Variants in CA10 observed in about 807,000 individuals in gnomAD.
CA10 encodes carbonic anhydrase-related protein 10.
CA10 carries 14 observed loss-of-function variants against 44.2 expected under a neutral mutation model. That is an observed-to-expected ratio of 0.32 (90% CI 0.21 to 0.50). CA10 has a LOEUF of 0.50. CA10 is among the 20% of genes least tolerant of loss of function. CA10 has a pLI of 0.99. For synonymous variants in CA10, 159 were observed against 141.6 expected, an observed-to-expected ratio of 1.12 and a Z score of -0.87; for missense variants, 350 against 409.7, an observed-to-expected ratio of 0.85 and a Z score of 1.26.
chr17:51,743,873 G>A (rs751300597), intron 4 of CA10, among the ~76,000 whole-genome samples: 6 of 152,152 alleles, frequency 3.9e-5, no homozygotes, highest in African/African-American at 4.8e-5. Flanking sequence ...AACCAGATTC[G>A]CGCAATCTAC....
intron 1 of CA10, among the ~76,000 whole-genome samples, chr17:52,090,947 A>C (rs1342949877): frequency 1.3e-5 from 2 of 152,146 alleles, no homozygotes; most frequent in Non-Finnish European, 2.9e-5. Context: ...ATAGCTGCTG[A>C]CTACACACTC....
At chr17:51,911,499 G>A (rs897994505) in intron 3 of CA10, among the ~76,000 whole-genome samples, 6 of 152,138 alleles carry the variant, frequency 3.9e-5, no homozygotes, top group African/African-American at 1.4e-4. Context: ...GGATGCTTCT[G>A]TATTGCAATA....
intron 3 of CA10, among the ~76,000 whole-genome samples, chr17:51,774,877 G>A (rs1905756313): frequency 6.6e-6 from 1 of 152,118 alleles, no homozygotes; most frequent in Admixed American, 6.5e-5. Context: ...ACATGCAGAG[G>A]TTTTTAATAC....
intron 2 of CA10, among the ~76,000 whole-genome samples, chr17:51,987,302 C>T (rs1488039622): frequency 1.3e-5 from 2 of 152,018 alleles, no homozygotes; most frequent in Non-Finnish European, 2.9e-5. Flanking sequence ...CATATATTCT[C>T]ACTCATCAGT....
rs1982668060 is a variant in CA10, at chr17:51,931,715, A to G, written c.137-583T>C. On this transcript the variant is annotated intron_variant, in intron 2 of 8. Coordinates refer to ENST00000451037, the MANE Select transcript of CA10 (RefSeq NM_020178.5). The stretch of plus-strand genomic sequence containing the variant: ...AGTTCAACACTGTGTCATTAACCTA[A>G]TGTACTTGTAGATAAAGAATTGGTG... 1.3e-5 allele frequency among the ~76,000 whole-genome samples: 2 copies of G among 152,118 alleles called. 1 individual carries two copies. The highest frequency in any genetic ancestry group is 4.1e-4 in the South Asian group (2 of 4,834).
chr17:51,887,324 A>C (rs1980652597), intron 3 of CA10, among the ~76,000 whole-genome samples: 1 of 152,184 alleles, frequency 6.6e-6, no homozygotes, highest in African/African-American at 2.4e-5. Flanking sequence ...AAGCAGGCCC[A>C]CAAGGCTGAA....
chr17:51,673,700 C>T (rs775527142), intron 4 of CA10, among the ~76,000 whole-genome samples: 7 of 152,216 alleles, frequency 4.6e-5, no homozygotes, highest in Admixed American at 1.3e-4. Context: ...TTATGTCTCT[C>T]GAAGCCAGTC....
chr17:51,639,211 A>T (rs1487901698), intron 6 of CA10, among the ~76,000 whole-genome samples: 1 of 152,206 alleles, frequency 6.6e-6, no homozygotes, highest in African/African-American at 2.4e-5. Flanking sequence ...CATTTTTGTT[A>T]AAGGTCAATG....
chr17:52,084,296 G>T (rs1435745893), intron 1 of CA10, among the ~76,000 whole-genome samples: 2 of 152,120 alleles, frequency 1.3e-5, no homozygotes, highest in East Asian at 1.9e-4. Flanking sequence ...GAAAAGGCCA[G>T]GGCAGATTTA....
intron 3 of CA10, among the ~76,000 whole-genome samples, chr17:51,829,452 A>T (rs189736341): frequency 2.5e-4 from 38 of 152,314 alleles, no homozygotes; most frequent in Admixed American, 1.1e-3. Flanking sequence ...TTGCAAAGAC[A>T]GTGCCATGCA....
chr17:51,631,483 G>A lies in CA10; in HGVS notation c.*101C>T, dbSNP rs1597949734. 4.5e-6 allele frequency: 5 copies of A among 1,109,186 alleles called. No homozygotes were observed. Among genetic ancestry groups the A allele is most frequent in the East Asian group, 2.4e-5 (1 of 42,550 alleles). 68.7% of individuals were successfully genotyped at this position (1,109,186 alleles called of 1,614,324 possible). On this transcript the variant is annotated 3_prime_UTR_variant, in exon 9 of 9. Transcript: ENST00000451037. ...CAATCCCAAGAATGAATGAGGCTTG[G>A]GGGAAAGAAGGAGAGAGAAGCAAGA...
In CA10 at chr17:52,158,053, C is replaced by A; in HGVS notation, c.-267G>T. The stretch of plus-strand genomic sequence containing the variant: ...TGCCTCGCTGCCTTGGAGGTCTCCC[C>A]GCTCGCGTGTCTCTTCTCTTCGCAC... On this transcript the variant is annotated 5_prime_UTR_variant, in exon 1 of 9. Transcript: ENST00000451037. 1.8e-6 allele frequency: 1 copy of A among 542,008 alleles called. No individual in the cohort carries two copies. Among genetic ancestry groups the A allele is most frequent in the Non-Finnish European group, 3.3e-6 (1 of 302,704 alleles). The allele number at this position is 542,008 out of a possible 1,614,324, so 33.6% of individuals were successfully genotyped here. A position where few individuals can be genotyped will look rare whatever the true frequency, so the allele number is the denominator to read the frequency against.
intron 3 of CA10, among the ~76,000 whole-genome samples, chr17:51,820,197 C>A (rs1053104796): frequency 1.5e-5 from 2 of 134,192 alleles, no homozygotes; most frequent in African/African-American, 5.8e-5. Flanking sequence ...CCCCCCCCCC[C>A]CAGGTAATAC....
intron 1 of CA10, among the ~76,000 whole-genome samples, chr17:52,123,395 T>TGTGA (rs1555568613): frequency 6.6e-6 from 1 of 151,324 alleles, no homozygotes. Flanking sequence ...TGTGTGTGTG[T>TGTGA]GACGTTTTCA....
intron 2 of CA10, among the ~76,000 whole-genome samples, chr17:51,954,067 T>C (rs1165611903): frequency 2.0e-5 from 3 of 152,182 alleles, no homozygotes; most frequent in Non-Finnish European, 4.4e-5. Flanking sequence ...AACATTATTC[T>C]CATTTGACAG....
chr17:51,669,141 C>T (rs1231754564), intron 4 of CA10, among the ~76,000 whole-genome samples: 2 of 152,228 alleles, frequency 1.3e-5, no homozygotes, highest in Non-Finnish European at 2.9e-5. Context: ...AGGCGCGGGA[C>T]CAGATGGCAG....
intron 2 of CA10, among the ~76,000 whole-genome samples, chr17:51,942,578 A>G (rs1983126197): frequency 6.6e-6 from 1 of 150,454 alleles, no homozygotes; most frequent in African/African-American, 2.4e-5. Context: ...AAATCTTACC[A>G]TGATCAAATC....
Position 52,097,196 on chromosome 17 carries a change from A to T in CA10, c.62-24803T>A, listed in dbSNP as rs527975796. ...TCTTGGAACAAATTAGATCTCTCTA[A>T]AGTGGTTATAACAATTTAAAACACA... On this transcript the variant is annotated intron_variant, in intron 1 of 8. Coordinates refer to ENST00000451037, the MANE Select transcript of CA10 (RefSeq NM_020178.5). Among the ~76,000 whole-genome samples the T allele has an allele frequency of 8.9e-4, 135 of 152,186 alleles. 1 individual carries two copies. The highest frequency in any genetic ancestry group is 3.1e-3 in the African/African-American group (130 of 41,504).
chr17:51,978,007 T>G (rs1366806840), intron 2 of CA10, among the ~76,000 whole-genome samples: 1 of 152,126 alleles, frequency 6.6e-6, no homozygotes, highest in Non-Finnish European at 1.5e-5. Flanking sequence ...AAAATATTGC[T>G]GAGAGAAATT....
Sources: allele counts gnomAD v4.1 joint callset (sites outside exome capture counted in the v4.1 genomes callset), GRCh38; gene constraint gnomAD v4.1.1; transcripts MANE v1.5; gene names NCBI Gene and HGNC (gene_info 2026-07-23, HGNC 2026-07-21).